Variants in MACROD2 observed in about 807,000 individuals in gnomAD.
MACROD2 encodes ADP-ribose glycohydrolase MACROD2.
Under a neutral mutation model 70.4 loss-of-function variants are expected in MACROD2, and 36 were observed. The observed-to-expected ratio is 0.51, with a 90% confidence interval of 0.39 to 0.68. MACROD2 has a LOEUF of 0.68. MACROD2 is among the 30% of genes least tolerant of loss of function. MACROD2 has a pLI of 0.00. For missense variants in MACROD2, 496 were observed against 538.4 expected (o/e 0.92, Z 0.78); for synonymous variants, 172 against 178.8 (o/e 0.96, Z 0.30).
chr20:14,924,380 T>C (rs932945649), intron 5 of MACROD2, among the ~76,000 whole-genome samples: 6 of 151,650 alleles, frequency 4.0e-5, no homozygotes, highest in Non-Finnish European at 5.9e-5. Flanking sequence ...TGGAGGTTGC[T>C]GTGAGCCGAA....
At chr20:14,682,784 ATT>A (rs1451863915) in intron 4 of MACROD2, among the ~76,000 whole-genome samples, 1 of 152,214 alleles carries the variant, frequency 6.6e-6, no homozygotes, top group Non-Finnish European at 1.5e-5. Flanking sequence ...TGTGTTAATA[ATT>A]TCATGTAATA....
At chr20:14,743,127 AT>A (rs200818930) in intron 5 of MACROD2, among the ~76,000 whole-genome samples, 7,473 of 152,150 alleles carry the variant, frequency 0.049, 321 homozygotes, top group Non-Finnish European at 0.066. Flanking sequence ...ACTCAAATGT[AT>A]TTTTTTAAAA....
intron 3 of MACROD2, among the ~76,000 whole-genome samples, chr20:14,311,030 G>A (rs1469409379): frequency 1.3e-5 from 2 of 152,096 alleles, no homozygotes; most frequent in African/African-American, 4.8e-5. Context: ...GTGAGCTAAG[G>A]TTAATTTATT....
At chr20:15,348,443 T>C (rs571612246) in intron 6 of MACROD2, among the ~76,000 whole-genome samples, 1 of 152,306 alleles carries the variant, frequency 6.6e-6, no homozygotes, top group South Asian at 2.1e-4. Flanking sequence ...ACCTCCAGCA[T>C]GAAATTTTCA....
In MACROD2 at chr20:15,929,708, A is replaced by T. The variant is rs150303506; in HGVS notation, c.776-3568A>T. 8.0e-3 allele frequency among the ~76,000 whole-genome samples: 1,214 copies of T among 152,312 alleles called. 16 individuals carry two copies. Among genetic ancestry groups the T allele is most frequent in the African/African-American group, 0.027 (1,131 of 41,584 alleles). On this transcript the variant is annotated intron_variant, in intron 10 of 17. Coordinates refer to ENST00000684519, the MANE Select transcript of MACROD2 (RefSeq NM_001351661.2). ...CAAAAGGAACTACAAATATCAGGAT[A>T]GCAATCCGTGATCATGTTGTTGAGA...
chr20:14,903,904 GT>G (rs1320569296), intron 5 of MACROD2, among the ~76,000 whole-genome samples: 1 of 152,096 alleles, frequency 6.6e-6, no homozygotes, highest in Non-Finnish European at 1.5e-5. Context: ...TGCATGAAAG[GT>G]TTTTTTATTT....
At position 14,512,024 on chromosome 20, in the gene MACROD2, CAG is replaced by C. The variant is rs145569595; in HGVS notation, c.301+18522_301+18523del. On this transcript the variant is annotated intron_variant, in intron 4 of 17. Transcript: ENST00000684519. ...GAAATGAGATGGAGAGTTAATGAAA[CAG>C]AGAGATACAGGCGGGATTCCTTGGG... 6.1e-3 allele frequency among the ~76,000 whole-genome samples: 929 copies of C among 152,036 alleles called. 6 individuals are homozygous for C. The highest frequency in any genetic ancestry group is 0.014 in the African/African-American group (576 of 41,450).
chr20:15,330,277 A>G (rs2077978099), intron 6 of MACROD2, among the ~76,000 whole-genome samples: 1 of 144,460 alleles, frequency 6.9e-6, no homozygotes, highest in Non-Finnish European at 1.6e-5. Context: ...CTCCCCTACA[A>G]CGTGTTTTAA....
At chr20:15,650,384 A>G (rs2049625479) in intron 8 of MACROD2, among the ~76,000 whole-genome samples, 1 of 152,212 alleles carries the variant, frequency 6.6e-6, no homozygotes, top group Admixed American at 6.5e-5. Flanking sequence ...CTTTCCAGCA[A>G]CTGATCTCCT....
intron 2 of MACROD2, among the ~76,000 whole-genome samples, chr20:14,049,578 TA>T (rs770690841): frequency 6.8e-3 from 808 of 118,102 alleles, no homozygotes; most frequent in Middle Eastern, 0.013. Context: ...CTGTCTCTAC[TA>T]AAAAAAAAAA....
chr20:15,501,299 A>AT (rs2047361899), intron 8 of MACROD2, among the ~76,000 whole-genome samples: 1 of 152,244 alleles, frequency 6.6e-6, no homozygotes, highest in South Asian at 2.1e-4. Flanking sequence ...GTATCAGTGC[A>AT]TATCCATCAT....
At chr20:15,508,313 G>A (rs1255461945) in intron 8 of MACROD2, among the ~76,000 whole-genome samples, 2 of 151,052 alleles carry the variant, frequency 1.3e-5, no homozygotes, top group Non-Finnish European at 2.9e-5. Context: ...AGTGGTTTGG[G>A]GGGTTGGGAT....
chr20:15,557,434 C>T (rs1236151002), intron 8 of MACROD2, among the ~76,000 whole-genome samples: 1 of 152,074 alleles, frequency 6.6e-6, no homozygotes, highest in Non-Finnish European at 1.5e-5. Flanking sequence ...AAAAGGGGTA[C>T]CCCACAAGAA....
At chr20:15,256,767 G>A (rs2223007) in intron 6 of MACROD2, among the ~76,000 whole-genome samples, 14,067 of 151,908 alleles carry the variant, frequency 0.093, 1,487 homozygotes, top group African/African-American at 0.26. Flanking sequence ...GCATGGATAT[G>A]GTATACTTGG....
rs531453385 is a variant in MACROD2, at chr20:14,712,423, C to T, written c.418+27464C>T. ...CGTCTAAAAAGTGATTAATAGATAC[C>T]GCGGGTTGGAACAGGCTGGCATTCG... On this transcript the variant is annotated intron_variant, in intron 5 of 17. Transcript: ENST00000684519. Among the ~76,000 whole-genome samples the T allele has an allele frequency of 9.9e-5, 15 of 152,178 alleles. No homozygotes were observed. The East Asian group carries it at 2.1e-3, about 22-fold the overall frequency.
intron 6 of MACROD2, among the ~76,000 whole-genome samples, chr20:15,427,340 C>T (rs1423951103): frequency 4.6e-5 from 7 of 152,184 alleles, no homozygotes; most frequent in African/African-American, 1.7e-4. Flanking sequence ...CAAGACAGAA[C>T]TGAGAGCTAA....
chr20:15,088,598 G>A (rs909699251), intron 5 of MACROD2, among the ~76,000 whole-genome samples: 2 of 151,060 alleles, frequency 1.3e-5, no homozygotes, highest in African/African-American at 4.9e-5. Flanking sequence ...AAAAGTGAGA[G>A]GATACAAATA....
At chr20:15,653,292 A>T (rs2146800307) in intron 8 of MACROD2, among the ~76,000 whole-genome samples, 1 of 152,360 alleles carries the variant, frequency 6.6e-6, no homozygotes, top group South Asian at 2.1e-4. Flanking sequence ...GACATCGTGG[A>T]TGATACAAAG....
chr20:14,775,447 CATG>C (rs2072221541), intron 5 of MACROD2, among the ~76,000 whole-genome samples: 3 of 151,976 alleles, frequency 2.0e-5, no homozygotes, highest in Admixed American at 6.6e-5. Context: ...AGGTATTTGA[CATG>C]ATGAGAGAGG....
Sources: allele counts gnomAD v4.1 joint callset (sites outside exome capture counted in the v4.1 genomes callset), GRCh38; gene constraint gnomAD v4.1.1; transcripts MANE v1.5; gene names NCBI Gene and HGNC (gene_info 2026-07-23, HGNC 2026-07-21).